The following EXOC6B variants were observed in gnomAD, a reference collection of about 807,000 sequenced individuals.
EXOC6B encodes the protein SEC15 homolog B.
In EXOC6B, 54 loss-of-function variants were observed where a neutral mutation model predicts 113.5. The observed-to-expected ratio is 0.48, with a 90% CI of 0.38 to 0.60. The LOEUF (loss-of-function observed/expected upper bound fraction) is 0.60. Among genes scored for constraint, EXOC6B ranks in the 20% least tolerant of loss-of-function variants. The pLI is 0.00. For missense variants in EXOC6B, 797 were observed against 977.5 expected (o/e 0.82, Z 2.46); for synonymous variants, 357 against 339.0 (o/e 1.05, Z -0.58).
At chr2:72,808,826 A>C (rs750755772) in intron 1 of EXOC6B, among the ~76,000 whole-genome samples, 2 of 152,008 alleles carry the variant, frequency 1.3e-5, no homozygotes, top group Non-Finnish European at 2.9e-5. Flanking sequence ...TAATTCCAAC[A>C]CTTTGGGAGG....
chr2:72,768,401 C>G (rs1222934269), intron 1 of EXOC6B, among the ~76,000 whole-genome samples: 1 of 150,080 alleles, frequency 6.7e-6, no homozygotes, highest in Non-Finnish European at 1.5e-5. Context: ...AAGCCATTCT[C>G]TTGCCGCAGC....
intron 18 of EXOC6B, among the ~76,000 whole-genome samples, chr2:72,427,578 A>G (rs1007599022): frequency 6.6e-5 from 10 of 152,124 alleles, no homozygotes; most frequent in African/African-American, 2.2e-4. Context: ...CCCCCTCTGG[A>G]CTTTGAACAC....
intron 19 of EXOC6B, among the ~76,000 whole-genome samples, chr2:72,355,203 T>C (rs762864045): frequency 1.3e-5 from 2 of 152,216 alleles, no homozygotes; most frequent in South Asian, 2.1e-4. Flanking sequence ...TATTGATTAC[T>C]GTATGCATAT....
At chr2:72,731,349 A>T (rs1485955074) in intron 3 of EXOC6B, 104 bp from the exon 4 acceptor site, 1 of 855,354 alleles carries the variant, frequency 1.2e-6, no homozygotes. Context: ...AATCCCAGAC[A>T]GTTTCATAGT....
At chr2:72,742,452 A>T (rs1265393551) in intron 1 of EXOC6B, among the ~76,000 whole-genome samples, 1 of 152,180 alleles carries the variant, frequency 6.6e-6, no homozygotes. Flanking sequence ...GGCATGAGCC[A>T]CCAAGCACAG....
At chr2:72,443,122 C>T (rs1298190141) in intron 18 of EXOC6B, among the ~76,000 whole-genome samples, 2 of 151,806 alleles carry the variant, frequency 1.3e-5, no homozygotes, top group Admixed American at 6.6e-5. Flanking sequence ...GTCAGGAGTT[C>T]GAGACCAGCC....
chr2:72,307,553 C>T (rs561840349), intron 20 of EXOC6B, among the ~76,000 whole-genome samples: 2 of 152,278 alleles, frequency 1.3e-5, no homozygotes, highest in South Asian at 4.1e-4. Flanking sequence ...ACTCCAGCTG[C>T]ATTTTACTGA....
At chr2:72,506,902 T>C (rs902792807) in intron 11 of EXOC6B, among the ~76,000 whole-genome samples, 5 of 152,130 alleles carry the variant, frequency 3.3e-5, no homozygotes, top group South Asian at 2.1e-4. Flanking sequence ...TTAACAATCA[T>C]ATTAGCAGAT....
chr2:72,690,063 C>T (rs529672247), intron 6 of EXOC6B, among the ~76,000 whole-genome samples: 30 of 152,272 alleles, frequency 2.0e-4, no homozygotes, highest in African/African-American at 6.3e-4. Flanking sequence ...TGCTTTTGTT[C>T]AGAGCACTTA....
chr2:72,244,481 G>A (rs1013171042), intron 20 of EXOC6B, among the ~76,000 whole-genome samples: 2 of 151,748 alleles, frequency 1.3e-5, no homozygotes, highest in East Asian at 1.9e-4. Flanking sequence ...AATCTAAGCT[G>A]CCACAAAAGA....
At chr2:72,347,763 A>G (rs1243599723) in intron 19 of EXOC6B, among the ~76,000 whole-genome samples, 2 of 152,162 alleles carry the variant, frequency 1.3e-5, no homozygotes, top group Non-Finnish European at 2.9e-5. Flanking sequence ...TCAAGTGCTC[A>G]ACAGCTTTTT....
intron 6 of EXOC6B, among the ~76,000 whole-genome samples, chr2:72,637,679 A>C (rs1273773308): frequency 6.6e-6 from 1 of 152,066 alleles, no homozygotes; most frequent in Non-Finnish European, 1.5e-5. Context: ...AGTCCCAGCT[A>C]CTGGGGAGGC....
chr2:72,517,651 G>A (rs1020146336), intron 8 of EXOC6B, among the ~76,000 whole-genome samples: 1 of 151,972 alleles, frequency 6.6e-6, no homozygotes, highest in African/African-American at 2.4e-5. Context: ...TACACTAAAG[G>A]GCTTTTTATT....
intron 1 of EXOC6B, among the ~76,000 whole-genome samples, chr2:72,753,004 C>T (rs931443390): frequency 6.6e-6 from 1 of 152,044 alleles, no homozygotes; most frequent in Non-Finnish European, 1.5e-5. Flanking sequence ...CTCATCAATA[C>T]CTCAGTTGTT....
At chr2:72,205,401 GT>G (rs1679778835) in intron 20 of EXOC6B, among the ~76,000 whole-genome samples, 1 of 151,534 alleles carries the variant, frequency 6.6e-6, no homozygotes, top group African/African-American at 2.4e-5. Context: ...AGTAAAATTT[GT>G]TAAACCCTCT....
chr2:72,231,365 T>C (rs1432626717), intron 20 of EXOC6B, among the ~76,000 whole-genome samples: 1 of 152,160 alleles, frequency 6.6e-6, no homozygotes, highest in Non-Finnish European at 1.5e-5. Flanking sequence ...CTAAATATTT[T>C]AAAATGGAAC....
chr2:72,497,458 C>T (rs142669931), intron 13 of EXOC6B, among the ~76,000 whole-genome samples: 1 of 152,170 alleles, frequency 6.6e-6, no homozygotes, highest in Non-Finnish European at 1.5e-5. Context: ...TAGTAGGGAA[C>T]ATACTACCAA....
At chr2:72,655,802 T>C (rs2104423936) in intron 6 of EXOC6B, among the ~76,000 whole-genome samples, 1 of 152,244 alleles carries the variant, frequency 6.6e-6, no homozygotes, top group Non-Finnish European at 1.5e-5. Context: ...TTGAGCTAGT[T>C]AACCATCCCT....
chr2:72,636,331 G>GGAAGGAAGGAA (rs1672820159), intron 6 of EXOC6B, among the ~76,000 whole-genome samples: 1 of 80,810 alleles, frequency 1.2e-5, no homozygotes, highest in Non-Finnish European at 2.6e-5. Context: ...GAGGGAAGGA[G>GGAAGGAAGGAA]GGAAGGAAGG....
Sources: allele counts gnomAD v4.1 joint callset (sites outside exome capture counted in the v4.1 genomes callset), GRCh38; gene constraint gnomAD v4.1.1; transcripts MANE v1.5; gene names NCBI Gene and HGNC (gene_info 2026-07-23, HGNC 2026-07-21).